The following ASXL3 variants were observed in gnomAD, a reference collection of about 807,000 sequenced individuals.
ASXL3 encodes putative Polycomb group protein ASXL3.
ASXL3 carries 34 observed loss-of-function variants against 170.6 expected under a neutral mutation model. That is an observed-to-expected ratio of 0.20 (90% CI 0.15 to 0.27). The LOEUF (loss-of-function observed/expected upper bound fraction) is 0.27. Ranked by LOEUF, ASXL3 falls within the 10% of genes least tolerant of loss-of-function variation. ASXL3 has a pLI of 1.00. For synonymous variants in ASXL3, 1,002 were observed against 989.1 expected (o/e 1.01, Z -0.24); for missense variants, 2,592 against 2,695.3 (o/e 0.96, Z 0.85).
intron 2 of ASXL3, among the ~76,000 whole-genome samples, chr18:33,627,846 T>C (rs1599414756): frequency 6.6e-6 from 1 of 152,184 alleles, no homozygotes; most frequent in Non-Finnish European, 1.5e-5. Context: ...ATGTGGTGCT[T>C]GTTCTTGGTT....
chr18:33,666,677 G>T (rs2066260303), intron 5 of ASXL3, among the ~76,000 whole-genome samples: 2 of 152,264 alleles, frequency 1.3e-5, no homozygotes, highest in Admixed American at 1.3e-4. Context: ...GCTCAAAGCT[G>T]CAGACAGTAT....
rs139533965 is a variant in ASXL3 at position 33,750,511 on chromosome 18, C to T, written c.*3916C>T. 234 of 150,722 alleles carry T rather than the reference C, an allele frequency of 1.6e-3. No homozygotes were observed. The highest frequency in any genetic ancestry group is 5.6e-3 in the African/African-American group (228 of 41,010). The allele number at this position is 150,722 out of a possible 1,614,324, so 9.3% of individuals were successfully genotyped here. A position where few individuals can be genotyped will look rare whatever the true frequency, so the allele number is the denominator to read the frequency against. On this transcript the variant is annotated 3_prime_UTR_variant, in exon 12 of 12. Coordinates refer to ENST00000269197, the MANE Select transcript of ASXL3 (RefSeq NM_030632.3). ...CCTCCTTCCCCTGCTTCATGGAAACCTGATATGATACATATTTTCAGTAGT... is the reference window on the plus strand; with the variant it reads ...CCTCCTTCCCCTGCTTCATGGAAACTTGATATGATACATATTTTCAGTAGT...
intron 8 of ASXL3, among the ~76,000 whole-genome samples, chr18:33,699,048 G>A (rs1429152942): frequency 2.0e-5 from 3 of 152,040 alleles, no homozygotes; most frequent in Non-Finnish European, 4.4e-5. Flanking sequence ...GAAGGCAGGG[G>A]AGGGTAACAG....
At chr18:33,713,229 GTTTTTTTTGTTTTGTTTT>G (rs2067100087) in intron 8 of ASXL3, among the ~76,000 whole-genome samples, 2 of 81,760 alleles carry the variant, frequency 2.4e-5, no homozygotes, top group South Asian at 4.6e-4. Context: ...CCACAAGAAG[GTTTTTTTTGTTTTGTTTT>G]GTTTTTTTTT....
intron 2 of ASXL3, among the ~76,000 whole-genome samples, chr18:33,616,195 C>T (rs1490107648): frequency 6.6e-6 from 1 of 152,086 alleles, no homozygotes. Flanking sequence ...TGAAATGTTA[C>T]CCAGCAAGAT....
At chr18:33,605,229 T>A (rs1339249146) in intron 1 of ASXL3, among the ~76,000 whole-genome samples, 1 of 152,010 alleles carries the variant, frequency 6.6e-6, no homozygotes, top group African/African-American at 2.4e-5. Context: ...GACTGTGGCT[T>A]GCCCCACTCA....
chr18:33,618,903 A>T (rs2065468813), intron 2 of ASXL3, among the ~76,000 whole-genome samples: 1 of 152,164 alleles, frequency 6.6e-6, no homozygotes, highest in Non-Finnish European at 1.5e-5. Flanking sequence ...AAAGGAACTC[A>T]TACCTTTGTA....
At chr18:33,590,158 G>A (rs572872679) in intron 1 of ASXL3, among the ~76,000 whole-genome samples, 1 of 109,136 alleles carries the variant, frequency 9.2e-6, no homozygotes, top group Non-Finnish European at 1.7e-5. Context: ...GCTTCATGGT[G>A]TAGGCAGGAT....
At chr18:33,687,509 C>G (rs1024891490) in intron 8 of ASXL3, among the ~76,000 whole-genome samples, 1 of 152,150 alleles carries the variant, frequency 6.6e-6, no homozygotes, top group Admixed American at 6.5e-5. Flanking sequence ...TTTGACTACC[C>G]CAAGTTTCTG....
chr18:33,630,174 G>T (rs1171478608), intron 2 of ASXL3, among the ~76,000 whole-genome samples: 1 of 151,948 alleles, frequency 6.6e-6, no homozygotes, highest in East Asian at 1.9e-4. Context: ...GGGAGGGGAA[G>T]GGTGCTTAAA....
chr18:33,742,152 A>G (rs1183840206), intron 11 of ASXL3, among the ~76,000 whole-genome samples: 2 of 152,222 alleles, frequency 1.3e-5, no homozygotes, highest in South Asian at 2.1e-4. Context: ...TGATAATACA[A>G]TCCCTTTGGA....
chr18:33,581,135 C>T (rs1316006588), intron 1 of ASXL3, among the ~76,000 whole-genome samples: 2 of 151,970 alleles, frequency 1.3e-5, no homozygotes, highest in Non-Finnish European at 2.9e-5. Flanking sequence ...TCTAAACTTG[C>T]ATGATAAAAT....
rs527674539 is a variant in ASXL3 at position 33,732,056 on chromosome 18, T to A, written c.968T>A (p.Leu323Gln). The change falls in exon 9 of 12, where the codon CTG becomes CAG. Residue 323 changes from leucine (L) to glutamine (Q), a missense_variant. Physicochemically the swap from Leu to Gln is moderately radical, Grantham distance 113. Transcript: ENST00000269197. ...AYAAQGWKQR[L>Q]AEGEFTPEMQ... is the part of the protein sequence containing the mutation. The stretch of plus-strand genomic sequence containing the variant: ...GCAGCACAAGGGTGGAAACAGCGAC[T>A]GGCAGAAGGTAAATTTGTATTTTCT... 1 of 1,612,102 alleles carries A rather than the reference T, an allele frequency of 6.2e-7. No homozygotes were observed. The highest frequency in any genetic ancestry group is 8.5e-7 in the Non-Finnish European group (1 of 1,178,770).
chr18:33,591,758 C>T (rs1253222543), intron 1 of ASXL3, among the ~76,000 whole-genome samples: 1 of 151,886 alleles, frequency 6.6e-6, no homozygotes, highest in Non-Finnish European at 1.5e-5. Context: ...TCTGTTGCCT[C>T]AGCCTCCCAA....
chr18:33,666,042 C>T (rs536749037), intron 5 of ASXL3, among the ~76,000 whole-genome samples: 201 of 152,196 alleles, frequency 1.3e-3, no homozygotes, highest in African/African-American at 4.6e-3. Context: ...ATAACACCAT[C>T]GATATTGAAA....
intron 4 of ASXL3, among the ~76,000 whole-genome samples, chr18:33,658,723 G>A (rs538308914): frequency 6.6e-6 from 1 of 152,128 alleles, no homozygotes; most frequent in East Asian, 1.9e-4. Context: ...ATAAAGTAAG[G>A]AACAACTTCC....
At chr18:33,695,918 A>G (rs977798656) in intron 8 of ASXL3, among the ~76,000 whole-genome samples, 1 of 152,168 alleles carries the variant, frequency 6.6e-6, no homozygotes, top group Non-Finnish European at 1.5e-5. Flanking sequence ...TTAATAATAT[A>G]TGTATGTGTA....
intron 2 of ASXL3, among the ~76,000 whole-genome samples, chr18:33,623,086 C>T (rs2065541146): frequency 6.6e-6 from 1 of 152,164 alleles, no homozygotes; most frequent in Admixed American, 6.6e-5. Flanking sequence ...TAATGGCCTT[C>T]ACCAATTTTT....
chr18:33,659,728 G>T (rs1324102660), intron 4 of ASXL3, among the ~76,000 whole-genome samples: 1 of 152,090 alleles, frequency 6.6e-6, no homozygotes, highest in African/African-American at 2.4e-5. Flanking sequence ...AGCCTAGGAA[G>T]CATAGTTTAT....
Sources: allele counts gnomAD v4.1 joint callset (sites outside exome capture counted in the v4.1 genomes callset), GRCh38; gene constraint gnomAD v4.1.1; transcripts MANE v1.5; gene names NCBI Gene and HGNC (gene_info 2026-07-23, HGNC 2026-07-21).